Variants in CDC20B observed in about 807,000 individuals in gnomAD.
CDC20B encodes the protein cell division cycle 20B.
A neutral mutation model predicts 64.1 loss-of-function variants in CDC20B; 58 were observed. The observed-to-expected ratio is 0.90, with a 90% confidence interval of 0.73 to 1.13. The LOEUF is 1.13. Ranked by LOEUF, CDC20B falls within the 50% of genes most tolerant of loss-of-function variation. The pLI, the probability that CDC20B is intolerant of heterozygous loss-of-function variation, is 0.00. For missense variants in CDC20B, 597 were observed against 633.0 expected, an observed-to-expected ratio of 0.94 and a Z score of 0.61; for synonymous variants, 243 against 230.6, an observed-to-expected ratio of 1.05 and a Z score of -0.49.
At chr5:55,130,549 A>T (rs1187943468) in intron 6 of CDC20B, among the ~76,000 whole-genome samples, 2 of 152,186 alleles carry the variant, frequency 1.3e-5, no homozygotes, top group East Asian at 3.9e-4. Flanking sequence ...TCAACCCAGA[A>T]TTCTATATCC....
At chr5:55,168,773 G>T (rs1256885611) in intron 2 of CDC20B, among the ~76,000 whole-genome samples, 4 of 152,098 alleles carry the variant, frequency 2.6e-5, no homozygotes, top group Non-Finnish European at 5.9e-5. Context: ...GCTAAACAAT[G>T]GGTACACATG....
chr5:55,131,004 C>T (rs1743015163), intron 6 of CDC20B, among the ~76,000 whole-genome samples: 1 of 152,012 alleles, frequency 6.6e-6, no homozygotes, highest in South Asian at 2.1e-4. Context: ...TGCCTGTGGG[C>T]CCAGCTACTT....
At chr5:55,134,493 T>G (rs191135875) in intron 5 of CDC20B, among the ~76,000 whole-genome samples, 2 of 152,138 alleles carry the variant, frequency 1.3e-5, no homozygotes, top group Non-Finnish European at 2.9e-5. Context: ...CTGGGCACGG[T>G]GGCTCATGCC....
chr5:55,151,385 C>T (rs1299607034), intron 2 of CDC20B, among the ~76,000 whole-genome samples: 1 of 152,104 alleles, frequency 6.6e-6, no homozygotes, highest in Non-Finnish European at 1.5e-5. Context: ...TAGCCCTTAC[C>T]CTCACAGGTA....
Position 55,113,094 on chromosome 5 carries a change from T to C in CDC20B, c.*1124A>G, listed in dbSNP as rs1330652934. The C allele has an allele frequency of 6.6e-6, 1 of 152,012 alleles. No homozygotes were observed. The highest frequency in any genetic ancestry group is 2.4e-5 in the African/African-American group (1 of 41,384). The allele number at this position is 152,012 out of a possible 1,614,324, so 9.4% of individuals were successfully genotyped here. On this transcript the variant is annotated 3_prime_UTR_variant, in exon 12 of 12. Coordinates refer to ENST00000381375, the MANE Select transcript of CDC20B (RefSeq NM_001170402.1). ...CATTTCAAAACACTTCCTGGAGAGG[T>C]TAGGACTTGTGTGGGTGTGTAAAGG... is the stretch of plus-strand genomic sequence containing the variant.
chr5:55,160,930 C>T, intron 2 of CDC20B: 1 of 1,532,490 alleles, frequency 6.5e-7, no homozygotes, highest in Non-Finnish European at 8.8e-7. Context: ...ATTTTAACTA[C>T]TTGCAGAATT....
rs1331418563 is a variant in CDC20B at position 55,154,091 on chromosome 5, G to T, written c.127-7235C>A. Among the ~76,000 whole-genome samples the T allele has an allele frequency of 3.9e-5, 6 of 152,208 alleles. No homozygotes were observed. In the East Asian group the frequency reaches 1.2e-3, roughly 29 times the overall value. On this transcript the variant is annotated intron_variant, in intron 2 of 11. Coordinates refer to ENST00000381375, the MANE Select transcript of CDC20B (RefSeq NM_001170402.1). ...GTTCTTCAAGAAGGGAGATGGACAAGTCAGGATTCGAACCCTGAGTTCATT... is the reference window on the plus strand; with the variant it reads ...GTTCTTCAAGAAGGGAGATGGACAATTCAGGATTCGAACCCTGAGTTCATT...
chr5:55,136,278 C>T (rs897463884), intron 5 of CDC20B, among the ~76,000 whole-genome samples: 3 of 150,202 alleles, frequency 2.0e-5, no homozygotes, highest in Admixed American at 6.6e-5. Flanking sequence ...AATTGGGACA[C>T]GGCAGGTGCA....
intron 2 of CDC20B, among the ~76,000 whole-genome samples, chr5:55,163,860 A>C (rs949251546): frequency 4.0e-5 from 6 of 149,752 alleles, no homozygotes; most frequent in Non-Finnish European, 8.9e-5. Flanking sequence ...GTAGACTCAT[A>C]GGTGAAGTCA....
intron 5 of CDC20B, 129 bp downstream of exon 5, chr5:55,140,185 T>C (rs1257529909): frequency 9.5e-6 from 5 of 526,918 alleles, no homozygotes; most frequent in Non-Finnish European, 1.6e-5. Flanking sequence ...ATGAGAATTA[T>C]TCATATTTTA....
Position 55,119,819 on chromosome 5 carries a change from T to C in CDC20B, c.1441A>G (p.Arg481Gly). The C allele has an allele frequency of 6.2e-7, 1 of 1,613,628 alleles. No homozygotes were observed. The highest frequency in any genetic ancestry group is 8.5e-7 in the Non-Finnish European group (1 of 1,179,580). The stretch of plus-strand genomic sequence containing the variant: ...TGCTTACCAAAAAACCCACCTGACC[T>C]GGACACAGTGGGACAGGTCCACACA... The part of the protein sequence containing the change: ...VTVWTCPTVS[R>G]SGGFFGHRGR... The change falls in exon 11 of 12, where the codon AGG (arginine) becomes GGG (glycine). Residue 481 changes from arginine to glycine, a missense_variant. Arg to Gly is a moderately radical substitution (Grantham distance 125). Transcript: ENST00000381375.
intron 5 of CDC20B, among the ~76,000 whole-genome samples, chr5:55,139,667 A>G (rs975281047): frequency 6.6e-6 from 1 of 152,230 alleles, no homozygotes; most frequent in Admixed American, 6.5e-5. Flanking sequence ...GTAAACATTA[A>G]CTACTAATTT....
chr5:55,114,458 C>T lies in CDC20B; in HGVS notation c.1460-140G>A, dbSNP rs1742579381. 1.4e-6 allele frequency: 2 copies of T among 1,438,508 alleles called. No individual in the cohort carries two copies. The highest frequency in any genetic ancestry group is 2.4e-5 in the Admixed American group (1 of 41,546). 89.1% of individuals were successfully genotyped at this position (1,438,508 alleles called of 1,614,324 possible). On this transcript the variant is annotated intron_variant, in intron 11 of 11. Transcript: ENST00000381375. The surrounding 1 kb of genome is among the most constrained non-coding windows in gnomAD (Gnocchi z 4.1). Reference sequence around the variant, plus strand: ...CCACACCCACCAGGTTCAGAGCTGCCACCAACTGAGCCATGCTGGGAGACA... The same window carrying T: ...CCACACCCACCAGGTTCAGAGCTGCTACCAACTGAGCCATGCTGGGAGACA...
chr5:55,135,397 A>G lies in CDC20B; in HGVS notation c.581-1869T>C, dbSNP rs185747403. On this transcript the variant is annotated intron_variant, in intron 5 of 11. Coordinates refer to ENST00000381375, the MANE Select transcript of CDC20B (RefSeq NM_001170402.1). ...CAGAAACAAAAACTTGTTGCTGTTTAGGACAAAAGACGAGGGAGCTGAGGA... is the reference window on the plus strand; with the variant it reads ...CAGAAACAAAAACTTGTTGCTGTTTGGGACAAAAGACGAGGGAGCTGAGGA... 1.7e-4 allele frequency among the ~76,000 whole-genome samples: 25 copies of G among 146,176 alleles called. No homozygotes were observed. The East Asian group carries it at 4.5e-3, about 26-fold the overall frequency.
chr5:55,151,941 T>C (rs937031207), intron 2 of CDC20B, among the ~76,000 whole-genome samples: 2 of 152,140 alleles, frequency 1.3e-5, no homozygotes, highest in Non-Finnish European at 2.9e-5. Flanking sequence ...AAGTTCAGGA[T>C]GAAGTTAAGT....
At chr5:55,143,192 T>C (rs1347890287) in intron 4 of CDC20B, among the ~76,000 whole-genome samples, 1 of 152,172 alleles carries the variant, frequency 6.6e-6, no homozygotes, top group Non-Finnish European at 1.5e-5. Context: ...AAGAGATCCT[T>C]AGGCTAAGAG....
chr5:55,148,998 T>C (rs1743583253), intron 2 of CDC20B, among the ~76,000 whole-genome samples: 1 of 152,224 alleles, frequency 6.6e-6, no homozygotes, highest in Admixed American at 6.5e-5. Flanking sequence ...CATGAGGGTG[T>C]GTACTGCATT....
intron 2 of CDC20B, chr5:55,160,736 G>A (rs927960676): frequency 7.4e-5 from 35 of 471,208 alleles, no homozygotes; most frequent in African/African-American, 6.6e-4. Flanking sequence ...ACTTATCAAG[G>A]ATCATAGTTT....
intron 2 of CDC20B, among the ~76,000 whole-genome samples, chr5:55,157,692 T>C (rs779587941): frequency 6.6e-6 from 1 of 152,242 alleles, no homozygotes; most frequent in African/African-American, 2.4e-5. Context: ...AGCATAATTT[T>C]GGCATTTTCA....
Sources: gnomAD v4.1 joint callset for allele counts (sites outside exome capture counted in the v4.1 genomes callset) on GRCh38, gnomAD v4.1.1 for gene constraint, Gnocchi (gnomAD v3.1) non-coding constraint, MANE v1.5 for transcripts, NCBI Gene and HGNC (gene_info 2026-07-23, HGNC 2026-07-21) for gene names.